Variants in USP34 observed in about 807,000 individuals in gnomAD.
The protein encoded by USP34 is ubiquitin specific peptidase 34, also known as ubiquitin carboxyl-terminal hydrolase 34.
In USP34, 70 loss-of-function variants were observed where a neutral mutation model predicts 460.3. The observed-to-expected ratio is 0.15, with a 90% CI of 0.13 to 0.19. The LOEUF (loss-of-function observed/expected upper bound fraction) is 0.19. USP34 is among the 10% of genes least tolerant of loss of function. USP34 has a pLI of 1.00. For missense variants in USP34, 3,985 were observed against 4,236.2 expected (o/e 0.94, Z 1.65); for synonymous variants, 1,647 against 1,405.3 (o/e 1.17, Z -3.85).
At chr2:61,198,079 ATATTAAAATAACT>A (rs1255883042) in intron 75 of USP34, among the ~76,000 whole-genome samples, 1 of 152,174 alleles carries the variant, frequency 6.6e-6, no homozygotes, top group Non-Finnish European at 1.5e-5. Flanking sequence ...GTTTTCCATA[ATATTAAAATAACT>A]TATTAAAATT....
intron 21 of USP34, among the ~76,000 whole-genome samples, chr2:61,322,329 G>A (rs1044329979): frequency 6.6e-6 from 1 of 152,094 alleles, no homozygotes; most frequent in Non-Finnish European, 1.5e-5. Flanking sequence ...CATATCAGAG[G>A]ACATAATCAG....
chr2:61,363,421 C>G (rs1692331464), intron 10 of USP34, among the ~76,000 whole-genome samples: 1 of 152,270 alleles, frequency 6.6e-6, no homozygotes, highest in East Asian at 1.9e-4. Context: ...TTGTGAACAT[C>G]AGAGCATACT....
intron 67 of USP34, among the ~76,000 whole-genome samples, chr2:61,215,727 GT>G (rs1171060145): frequency 6.6e-6 from 1 of 152,180 alleles, no homozygotes; most frequent in Non-Finnish European, 1.5e-5. Context: ...AATGATAATG[GT>G]AAAACAATAA....
intron 57 of USP34, 61 bp downstream of exon 57, chr2:61,235,784 A>C (rs1688049888): frequency 6.5e-7 from 1 of 1,532,968 alleles, no homozygotes; most frequent in Non-Finnish European, 8.9e-7. Flanking sequence ...ATCTTAGATC[A>C]GAGGGGGGGA....
At chr2:61,309,243 A>T (rs1018381788) in intron 27 of USP34, among the ~76,000 whole-genome samples, 7 of 152,226 alleles carry the variant, frequency 4.6e-5, no homozygotes, top group African/African-American at 1.7e-4. Flanking sequence ...TAATGATGCA[A>T]GGAATAAAAA....
chr2:61,286,202 C>T (rs1223017494), intron 34 of USP34, among the ~76,000 whole-genome samples: 2 of 152,134 alleles, frequency 1.3e-5, no homozygotes, highest in African/African-American at 4.8e-5. Flanking sequence ...TTCTTCCTTA[C>T]TACCTACAGT....
At chr2:61,328,980 C>T (rs1329125428) in intron 20 of USP34, among the ~76,000 whole-genome samples, 1 of 151,980 alleles carries the variant, frequency 6.6e-6, no homozygotes, top group African/African-American at 2.4e-5. Context: ...AAATGTGGGC[C>T]ATGTGTGGTT....
At chr2:61,390,857 G>A (rs541415748) in intron 5 of USP34, among the ~76,000 whole-genome samples, 4 of 152,100 alleles carry the variant, frequency 2.6e-5, no homozygotes, top group South Asian at 2.1e-4. Flanking sequence ...AGCACTCTGG[G>A]AGGCTGAGGT....
At chr2:61,276,202 A>C (rs1689367511) in intron 41 of USP34, among the ~76,000 whole-genome samples, 1 of 152,226 alleles carries the variant, frequency 6.6e-6, no homozygotes, top group South Asian at 2.1e-4. Context: ...CAGTGTGGCT[A>C]CAAGTGTAAA....
At chr2:61,380,875 A>C (rs1478378885) in intron 6 of USP34, among the ~76,000 whole-genome samples, 1 of 152,220 alleles carries the variant, frequency 6.6e-6, no homozygotes. Flanking sequence ...GAAGCCAACT[A>C]CAAGACATAT....
intron 1 of USP34, among the ~76,000 whole-genome samples, chr2:61,467,066 GAGACGGAAGCGGGT>G (rs1695789400): frequency 6.6e-6 from 1 of 152,048 alleles, no homozygotes; most frequent in African/African-American, 2.4e-5. Context: ...AGCATTTTGG[GAGACGGAAGCGGGT>G]AGATCACACG....
chr2:61,316,039 TAAAAAAAAAA>T (rs539035606), intron 23 of USP34, among the ~76,000 whole-genome samples: 2 of 126,568 alleles, frequency 1.6e-5, no homozygotes. Flanking sequence ...GTCTCTACTT[TAAAAAAAAAA>T]AAAAAAAAAA....
chr2:61,389,864 G>GA (rs200900099), intron 5 of USP34, among the ~76,000 whole-genome samples: 86 of 149,888 alleles, frequency 5.7e-4, no homozygotes, highest in Admixed American at 3.4e-3. Context: ...GGGAAAAAAA[G>GA]AAAAAAAAAG....
intron 10 of USP34, among the ~76,000 whole-genome samples, chr2:61,365,919 G>A (rs1692422314): frequency 7.4e-6 from 1 of 135,906 alleles, no homozygotes; most frequent in East Asian, 2.3e-4. Context: ...ACACATTTCT[G>A]AAAGACTAAA....
Position 61,417,070 on chromosome 2 carries a change from A to T in USP34, c.131+3676T>A, listed in dbSNP as rs950500608. 15 of 1,376,002 alleles carry T rather than the reference A, an allele frequency of 1.1e-5. No homozygotes were observed. In the African/African-American group the frequency reaches 1.8e-4, roughly 17 times the overall value. The allele number at this position is 1,376,002 out of a possible 1,614,324, so 85.2% of individuals were successfully genotyped here. ...GCCGGGGAACTTGAACTTGGCCCTG[A>T]GCAGGACCTCAATCACATGCGCCTT... On this transcript the variant is annotated intron_variant, in intron 2 of 79. Transcript: ENST00000398571.
At chr2:61,297,627 C>T (rs562454082) in intron 29 of USP34, among the ~76,000 whole-genome samples, 16 of 152,312 alleles carry the variant, frequency 1.1e-4, no homozygotes, top group African/African-American at 3.4e-4. Flanking sequence ...ACTACTGCTA[C>T]TATCACAGTG....
intron 10 of USP34, among the ~76,000 whole-genome samples, chr2:61,361,042 A>C (rs1182121983): frequency 6.6e-6 from 1 of 152,204 alleles, no homozygotes; most frequent in Non-Finnish European, 1.5e-5. Flanking sequence ...AATAGCAAAA[A>C]ACAATCTTGA....
chr2:61,246,159 G>A (rs1688411675), intron 50 of USP34, among the ~76,000 whole-genome samples, 165 bp downstream of exon 50: 1 of 152,186 alleles, frequency 6.6e-6, no homozygotes, highest in African/African-American at 2.4e-5. Flanking sequence ...AGATCCGTAT[G>A]TTTAAGAACT....
chr2:61,259,750 G>A lies in USP34; in HGVS notation c.5805C>T (p.Thr1935=). 1 of 1,613,156 alleles carries A rather than the reference G, an allele frequency of 6.2e-7. No individual in the cohort carries two copies. The highest frequency in any genetic ancestry group is 8.5e-7 in the Non-Finnish European group (1 of 1,179,890). ...ACATTTTCTGAAGCTCCAGAAGAGTGGTCTTGTGCTTCATATCCTCTGAAT... is the reference window on the plus strand; with the variant it reads ...ACATTTTCTGAAGCTCCAGAAGAGTAGTCTTGTGCTTCATATCCTCTGAAT... ...AKYSEDMKHK[T]TLLELQKMFT... is the part of the protein sequence containing the mutation. The change falls in exon 44 of 80, where the codon ACC becomes ACT. Residue 1935 remains threonine, a synonymous_variant. Transcript: ENST00000398571.
Sources: allele counts gnomAD v4.1 joint callset (sites outside exome capture counted in the v4.1 genomes callset), GRCh38; gene constraint gnomAD v4.1.1; transcripts MANE v1.5; gene names NCBI Gene and HGNC (gene_info 2026-07-23, HGNC 2026-07-21).